Variants in JDP2 observed in about 807,000 individuals in gnomAD.
JDP2 encodes Jun dimerization protein 2.
Under a neutral mutation model 17.1 loss-of-function variants are expected in JDP2, and 9 were observed. The observed-to-expected ratio is 0.53, with a 90% confidence interval of 0.32 to 0.92. JDP2 has a LOEUF of 0.92. Among genes scored for constraint, JDP2 ranks in the 40% least tolerant of loss-of-function variants. The pLI is 0.04. For synonymous variants in JDP2, 107 were observed against 95.6 expected (o/e 1.12, Z -0.69); for missense variants, 179 against 220.0 (o/e 0.81, Z 1.18).
intron 3 of JDP2, among the ~76,000 whole-genome samples, chr14:75,462,212 C>T (rs547535091): frequency 2.2e-4 from 34 of 152,310 alleles, no homozygotes; most frequent in African/African-American, 7.9e-4. Flanking sequence ...TCAGAGCTTC[C>T]CTGCATCTCA....
At chr14:75,429,225 T>C (rs1164087499) in intron 1 of JDP2, among the ~76,000 whole-genome samples, 1 of 151,926 alleles carries the variant, frequency 6.6e-6, no homozygotes, top group African/African-American at 2.4e-5. Flanking sequence ...CCTTGGGTCA[T>C]CTCCAGTTGC....
At chr14:75,434,430 G>A (rs923736415) in intron 1 of JDP2, among the ~76,000 whole-genome samples, 30 of 152,066 alleles carry the variant, frequency 2.0e-4, no homozygotes, top group African/African-American at 6.8e-4. Context: ...TCTTTTGCAG[G>A]GGGAGGAAAG....
rs759512329 is a variant in JDP2, at chr14:75,447,954, C to T, written c.201+9833C>T. On this transcript the variant is annotated intron_variant, in intron 2 of 3. Coordinates refer to ENST00000651602, the MANE Select transcript of JDP2 (RefSeq NM_001135048.2). ...GATTACAGGCGTGAGCCACTGTGCCCGGCTAGCTAGTTAGCTAGCTATCAC... is the reference window on the plus strand; with the variant it reads ...GATTACAGGCGTGAGCCACTGTGCCTGGCTAGCTAGTTAGCTAGCTATCAC... Among the ~76,000 whole-genome samples the T allele has an allele frequency of 4.6e-5, 7 of 152,072 alleles. No homozygotes were observed. In the East Asian group the frequency reaches 5.8e-4, roughly 13 times the overall value.
rs553991111 is a variant in JDP2, at chr14:75,430,267, T to G, written c.-24+2015T>G. 3.9e-5 allele frequency among the ~76,000 whole-genome samples: 6 copies of G among 152,246 alleles called. No individual in the cohort carries two copies. The Middle Eastern group carries it at 0.014, about 345-fold the overall frequency. On this transcript the variant is annotated intron_variant, in intron 1 of 3. Transcript: ENST00000651602. This position sits in a 1 kb window ranked among gnomAD's most constrained non-coding sequence, Gnocchi z 4.5. ...TCTCTCTCGAGTGTCTGTTTCCAGCTCCACTCTGGAAAGAAAGGGGCCAAC... is the reference window on the plus strand; with the variant it reads ...TCTCTCTCGAGTGTCTGTTTCCAGCGCCACTCTGGAAAGAAAGGGGCCAAC...
rs1432752667 is a variant in JDP2, at chr14:75,428,063, G to A, written c.-213G>A. On this transcript the variant is annotated 5_prime_UTR_variant, in exon 1 of 4. Transcript: ENST00000651602. This position sits in a 1 kb window ranked among gnomAD's most constrained non-coding sequence, Gnocchi z 5.6. ...TGCGGGAGGGACGCTCGGCGGCCGC[G>A]ACGGGGGGCGCTGGCGGCGGCGGAC... 2 of 149,116 alleles carry A rather than the reference G, an allele frequency of 1.3e-5. No individual in the cohort carries two copies. The highest frequency in any genetic ancestry group is 4.9e-5 in the African/African-American group (2 of 41,032). 9.2% of individuals were successfully genotyped at this position (149,116 alleles called of 1,614,324 possible).
Position 75,472,003 on chromosome 14 carries a change from T to C in JDP2, c.*2528T>C, listed in dbSNP as rs1886824312. ...CCACCGGGAGCTGGCATCTCCAAAA[T>C]AGAGCCTCCTTAGCCTGTGCAGGTG... On this transcript the variant is annotated 3_prime_UTR_variant, in exon 4 of 4. Transcript: ENST00000651602. The C allele has an allele frequency of 6.6e-6, 1 of 152,182 alleles. No homozygotes were observed. The highest frequency in any genetic ancestry group is 2.4e-5 in the African/African-American group (1 of 41,424). The allele number at this position is 152,182 out of a possible 1,614,324, so 9.4% of individuals were successfully genotyped here. A position where few individuals can be genotyped will look rare whatever the true frequency, so the allele number is the denominator to read the frequency against.
Position 75,471,391 on chromosome 14 carries a change from A to G in JDP2, c.*1916A>G, listed in dbSNP as rs1305150136. The G allele has an allele frequency of 2.0e-5, 3 of 152,240 alleles. No individual in the cohort carries two copies. Among genetic ancestry groups the G allele is most frequent in the East Asian group, 3.8e-4 (2 of 5,200 alleles). The allele number at this position is 152,240 out of a possible 1,614,324, so 9.4% of individuals were successfully genotyped here. On this transcript the variant is annotated 3_prime_UTR_variant, in exon 4 of 4. Coordinates refer to ENST00000651602, the MANE Select transcript of JDP2 (RefSeq NM_001135048.2). ...ATGTCACGCATGAGGAAGGCGGGAG[A>G]GGTGTTTTTAGCTTCCTTGTATACT...
intron 2 of JDP2, among the ~76,000 whole-genome samples, chr14:75,443,059 C>T (rs1427516328): frequency 2.0e-5 from 3 of 152,026 alleles, no homozygotes; most frequent in African/African-American, 4.8e-5. Context: ...TTCACATTGG[C>T]GATTTCCCAT....
chr14:75,433,546 C>A (rs1566733814), intron 1 of JDP2, among the ~76,000 whole-genome samples: 1 of 125,296 alleles, frequency 8.0e-6, no homozygotes, highest in African/African-American at 4.5e-5. Context: ...AGCTCTCAGA[C>A]CTTTTTTTTT....
chr14:75,448,593 G>T (rs1267752222), intron 2 of JDP2, among the ~76,000 whole-genome samples: 1 of 152,198 alleles, frequency 6.6e-6, no homozygotes, highest in African/African-American at 2.4e-5. Flanking sequence ...GTAAGGCAGG[G>T]GTTGCTTTCT....
chr14:75,434,442 CAG>C (rs759239237), intron 1 of JDP2, among the ~76,000 whole-genome samples: 5 of 151,960 alleles, frequency 3.3e-5, no homozygotes, highest in African/African-American at 7.3e-5. Context: ...GGAGGAAAGA[CAG>C]GGGGACTTTT....
chr14:75,439,993 C>T (rs927782837), intron 2 of JDP2, among the ~76,000 whole-genome samples: 2 of 152,216 alleles, frequency 1.3e-5, no homozygotes, highest in Non-Finnish European at 2.9e-5. Flanking sequence ...CCTCTCTCCT[C>T]TGCAAAAGGC....
At chr14:75,434,329 A>C (rs181622386) in intron 1 of JDP2, among the ~76,000 whole-genome samples, 296 of 152,230 alleles carry the variant, frequency 1.9e-3, no homozygotes, top group African/African-American at 6.7e-3. Flanking sequence ...GTTTAGGATG[A>C]CTTCTGGCTG....
chr14:75,441,326 T>C (rs1311042718), intron 2 of JDP2, among the ~76,000 whole-genome samples: 2 of 152,214 alleles, frequency 1.3e-5, no homozygotes, highest in African/African-American at 4.8e-5. Flanking sequence ...AATTATAAAG[T>C]GCTTTGTGCT....
At chr14:75,456,963 T>C (rs175646) in intron 2 of JDP2, among the ~76,000 whole-genome samples, 115,348 of 152,102 alleles carry the variant, frequency 0.76, 43,968 homozygotes, top group African/African-American at 0.82. Context: ...GGCACAGCAG[T>C]ACCCCTCACT....
rs1445466984 is a variant in JDP2 at position 75,430,786 on chromosome 14, G to A, written c.-24+2534G>A. Among the ~76,000 whole-genome samples, 1 of 152,174 alleles carries A rather than the reference G, an allele frequency of 6.6e-6. No individual in the cohort carries two copies. The highest frequency in any genetic ancestry group is 1.5e-5 in the Non-Finnish European group (1 of 68,040). On this transcript the variant is annotated intron_variant, in intron 1 of 3. Transcript: ENST00000651602. The surrounding 1 kb of genome is among the most constrained non-coding windows in gnomAD (Gnocchi z 4.5). ...TGTGCCTGTGTATGTGTGTGTGCGTGTGCATGTGTGTGCACATGCGTTCTT... is the reference window on the plus strand; with the variant it reads ...TGTGCCTGTGTATGTGTGTGTGCGTATGCATGTGTGTGCACATGCGTTCTT...
At position 75,473,463 on chromosome 14, in the gene JDP2, A is replaced by G. The variant is rs1257079545; in HGVS notation, c.*3988A>G. The G allele has an allele frequency of 6.6e-6, 1 of 152,258 alleles. No homozygotes were observed. Among genetic ancestry groups the G allele is most frequent in the Non-Finnish European group, 1.5e-5 (1 of 68,044 alleles). The allele number at this position is 152,258 out of a possible 1,614,324, so 9.4% of individuals were successfully genotyped here. A position where few individuals can be genotyped will look rare whatever the true frequency, so the allele number is the denominator to read the frequency against. On this transcript the variant is annotated 3_prime_UTR_variant, in exon 4 of 4. Transcript: ENST00000651602. ...AGCTAAACGCATCCTTTGACCTAGC[A>G]GTTTTCCTCCTAGTCTTGGGAGGAA...
At position 75,469,528 on chromosome 14, in the gene JDP2, A is replaced by C; in HGVS notation, c.*53A>C. 5 of 1,563,380 alleles carry C rather than the reference A, an allele frequency of 3.2e-6. No individual in the cohort carries two copies. In the South Asian group the frequency reaches 5.9e-5, roughly 18 times the overall value. On this transcript the variant is annotated 3_prime_UTR_variant, in exon 4 of 4. Coordinates refer to ENST00000651602, the MANE Select transcript of JDP2 (RefSeq NM_001135048.2). ...AGGAAGAGGAGAAGGAAAAGTGACGAAGAGAGAGGAGGAGGGGGGCCCCAG... is the reference window on the plus strand; with the variant it reads ...AGGAAGAGGAGAAGGAAAAGTGACGCAGAGAGAGGAGGAGGGGGGCCCCAG...
chr14:75,470,350 T>C lies in JDP2; in HGVS notation c.*875T>C, dbSNP rs1429326958. The C allele has an allele frequency of 2.0e-5, 3 of 149,314 alleles. No homozygotes were observed. Among genetic ancestry groups the C allele is most frequent in the Admixed American group, 6.8e-5 (1 of 14,794 alleles). The allele number at this position is 149,314 out of a possible 1,614,324, so 9.2% of individuals were successfully genotyped here. The stretch of plus-strand genomic sequence containing the variant: ...TGTAACTCCTAAGTACTGTAGTCTC[T>C]GGGTGTCGGGGGTGGCCAGGGCGGG... On this transcript the variant is annotated 3_prime_UTR_variant, in exon 4 of 4. Coordinates refer to ENST00000651602, the MANE Select transcript of JDP2 (RefSeq NM_001135048.2).
Sources: gnomAD v4.1 joint callset for allele counts (sites outside exome capture counted in the v4.1 genomes callset) on GRCh38, gnomAD v4.1.1 for gene constraint, Gnocchi (gnomAD v3.1) non-coding constraint, MANE v1.5 for transcripts, NCBI Gene and HGNC (gene_info 2026-07-23, HGNC 2026-07-21) for gene names.